The following STAU2 variants were observed in gnomAD, a reference collection of about 807,000 sequenced individuals.
STAU2 encodes the protein staufen double-stranded RNA binding protein 2.
Under a neutral mutation model 65.9 loss-of-function variants are expected in STAU2, and 20 were observed. The observed-to-expected ratio is 0.30, with a 90% CI of 0.21 to 0.44. STAU2 has a LOEUF of 0.44. Ranked by LOEUF, STAU2 falls within the 20% of genes least tolerant of loss-of-function variation. STAU2 has a pLI of 1.00. For synonymous variants in STAU2, 232 were observed against 233.9 expected (o/e 0.99, Z 0.07); for missense variants, 558 against 683.9 (o/e 0.82, Z 2.05).
chr8:73,428,544 G>A (rs1817010982), intron 13 of STAU2, among the ~76,000 whole-genome samples: 1 of 152,178 alleles, frequency 6.6e-6, no homozygotes, highest in African/African-American at 2.4e-5. Flanking sequence ...GCCAGGAAAT[G>A]GAACTGTGCA....
At chr8:73,710,135 C>A (rs1476900337) in intron 3 of STAU2, among the ~76,000 whole-genome samples, 5 of 152,194 alleles carry the variant, frequency 3.3e-5, no homozygotes, top group Non-Finnish European at 7.4e-5. Flanking sequence ...CCTACCGTTT[C>A]TCCTCAAGCT....
intron 13 of STAU2, among the ~76,000 whole-genome samples, chr8:73,452,078 AC>A (rs1468660167): frequency 6.6e-6 from 1 of 152,200 alleles, no homozygotes; most frequent in Non-Finnish European, 1.5e-5. Context: ...CAGGGCAGAC[AC>A]GGTCTCTCAG....
chr8:73,429,219 G>A (rs1436334617), intron 13 of STAU2, among the ~76,000 whole-genome samples: 2 of 151,970 alleles, frequency 1.3e-5, no homozygotes, highest in Non-Finnish European at 2.9e-5. Context: ...GCTACCATTC[G>A]ATGAGCATCA....
At chr8:73,666,588 T>C (rs1267414261) in intron 6 of STAU2, among the ~76,000 whole-genome samples, 1 of 152,170 alleles carries the variant, frequency 6.6e-6, no homozygotes. Flanking sequence ...ACTCAACATA[T>C]ATTAAAAGAA....
intron 3 of STAU2, among the ~76,000 whole-genome samples, chr8:73,725,073 G>A (rs1032416959): frequency 6.6e-6 from 1 of 152,120 alleles, no homozygotes; most frequent in African/African-American, 2.4e-5. Context: ...ATAAGTCAAG[G>A]AGCATCTGTA....
intron 13 of STAU2, among the ~76,000 whole-genome samples, chr8:73,459,739 A>C (rs1819249255): frequency 6.6e-6 from 1 of 152,206 alleles, no homozygotes; most frequent in Admixed American, 6.5e-5. Flanking sequence ...CTGTTGTCAC[A>C]ACACCCAACG....
At chr8:73,739,627 A>T in intron 2 of STAU2, 129 bp downstream of exon 2, 1 of 755,820 alleles carries the variant, frequency 1.3e-6, no homozygotes, top group Non-Finnish European at 1.9e-6. Context: ...TAGTGTCCTC[A>T]GCATCTGCAT....
intron 13 of STAU2, among the ~76,000 whole-genome samples, chr8:73,534,386 T>C (rs554234708): frequency 1.3e-5 from 2 of 152,244 alleles, no homozygotes; most frequent in Non-Finnish European, 2.9e-5. Flanking sequence ...TTCATAAATA[T>C]TGACCTAAAT....
At chr8:73,595,416 A>C in intron 10 of STAU2, 119 bp from the exon 11 acceptor site, 1 of 926,520 alleles carries the variant, frequency 1.1e-6, no homozygotes, top group Non-Finnish European at 1.5e-6. Flanking sequence ...TTCAGTCCAA[A>C]GTAAAAATGG....
chr8:73,562,467 A>G (rs1020409617), intron 12 of STAU2, among the ~76,000 whole-genome samples: 19 of 152,224 alleles, frequency 1.2e-4, no homozygotes, highest in Non-Finnish European at 2.5e-4. Flanking sequence ...GCCTGGACAC[A>G]CTGTCTCTTT....
chr8:73,574,522 A>G (rs1809361732), intron 12 of STAU2, among the ~76,000 whole-genome samples: 1 of 152,244 alleles, frequency 6.6e-6, no homozygotes, highest in African/African-American at 2.4e-5. Context: ...TCCATCAATG[A>G]TAGACTGGAT....
At chr8:73,572,192 TAA>T (rs1287552504) in intron 12 of STAU2, among the ~76,000 whole-genome samples, 1 of 152,142 alleles carries the variant, frequency 6.6e-6, no homozygotes, top group East Asian at 1.9e-4. Context: ...CTCCTAAGAC[TAA>T]ACCAGGAAGA....
chr8:73,614,971 A>G (rs543502335), intron 8 of STAU2, among the ~76,000 whole-genome samples: 1 of 152,262 alleles, frequency 6.6e-6, no homozygotes, highest in African/African-American at 2.4e-5. Flanking sequence ...TCCAACTCAG[A>G]TGATCCTGCC....
At chr8:73,425,841 G>A (rs917284371) in intron 13 of STAU2, among the ~76,000 whole-genome samples, 2 of 151,834 alleles carry the variant, frequency 1.3e-5, no homozygotes, top group African/African-American at 4.8e-5. Flanking sequence ...CACCCAGGCT[G>A]GAGTGCAGTG....
chr8:73,591,203 C>T (rs142781738), intron 11 of STAU2, among the ~76,000 whole-genome samples: 17 of 151,876 alleles, frequency 1.1e-4, no homozygotes, highest in African/African-American at 3.9e-4. Context: ...GTGAATTGTA[C>T]GGTTTGAAAA....
intron 6 of STAU2, among the ~76,000 whole-genome samples, chr8:73,629,373 T>G (rs1384041363): frequency 6.6e-6 from 1 of 152,166 alleles, no homozygotes; most frequent in African/African-American, 2.4e-5. Flanking sequence ...TAAACATACA[T>G]GCCAAGGAAT....
In STAU2 at chr8:73,583,079, G is replaced by T. The variant is rs374349596; in HGVS notation, c.1162-249C>A. 1.2e-4 allele frequency among the ~76,000 whole-genome samples: 18 copies of T among 151,908 alleles called. No individual in the cohort carries two copies. In the South Asian group the frequency reaches 3.7e-3, roughly 32 times the overall value. ...TGATCATGTAAATTTATAATTCAAG[G>T]CATAAAGCCAATATTCAATATATGT... On this transcript the variant is annotated intron_variant, in intron 11 of 14. Coordinates refer to ENST00000524300, the MANE Select transcript of STAU2 (RefSeq NM_001164380.2).
chr8:73,424,648 T>C (rs1209684897), intron 13 of STAU2, among the ~76,000 whole-genome samples: 1 of 152,152 alleles, frequency 6.6e-6, no homozygotes, highest in Admixed American at 6.5e-5. Flanking sequence ...TTGGCAACTA[T>C]GAATAAAACT....
At chr8:73,653,945 T>C in intron 6 of STAU2, 1 of 406,386 alleles carries the variant, frequency 2.5e-6, no homozygotes, top group Non-Finnish European at 4.8e-6. Context: ...GTATAGCTTT[T>C]CAAACTTTGT....
Sources: allele counts gnomAD v4.1 joint callset (sites outside exome capture counted in the v4.1 genomes callset), GRCh38; gene constraint gnomAD v4.1.1; transcripts MANE v1.5; gene names NCBI Gene and HGNC (gene_info 2026-07-23, HGNC 2026-07-21).